Variants in KALRN observed in about 807,000 individuals in gnomAD.
The protein encoded by KALRN is kalirin RhoGEF kinase.
KALRN carries 70 observed loss-of-function variants against 353.7 expected under a neutral mutation model. The ratio of observed to expected loss-of-function variants is 0.20; its 90% confidence interval spans 0.16 to 0.24. The LOEUF (loss-of-function observed/expected upper bound fraction) is 0.24, where lower values mean the gene tolerates loss of function less well. KALRN is among the 10% of genes least tolerant of loss of function. KALRN has a pLI of 1.00. For synonymous variants in KALRN, 1,391 were observed against 1,434.8 expected, an observed-to-expected ratio of 0.97 and a Z score of 0.69; for missense variants, 2,791 against 3,756.7, an observed-to-expected ratio of 0.74 and a Z score of 6.72.
intron 30 of KALRN, among the ~76,000 whole-genome samples, 178 bp downstream of exon 30, chr3:124,491,062 T>A (rs1387838534): frequency 1.3e-5 from 2 of 152,174 alleles, no homozygotes; most frequent in Non-Finnish European, 2.9e-5. Context: ...GTCTGCATTG[T>A]AGAGTTCACA....
intron 1 of KALRN, among the ~76,000 whole-genome samples, chr3:124,155,095 T>C (rs1300215053): frequency 1.3e-5 from 2 of 152,158 alleles, no homozygotes; most frequent in Non-Finnish European, 2.9e-5. Flanking sequence ...TTACACCTTA[T>C]ACAAAAATTA....
chr3:124,157,837 C>G (rs1237301672), intron 1 of KALRN, among the ~76,000 whole-genome samples: 2 of 152,140 alleles, frequency 1.3e-5, no homozygotes, highest in Non-Finnish European at 2.9e-5. Context: ...TAACTGCATT[C>G]AGAAAATTCC....
At chr3:124,428,544 C>T (rs2093130678) in intron 15 of KALRN, among the ~76,000 whole-genome samples, 1 of 152,332 alleles carries the variant, frequency 6.6e-6, no homozygotes, top group Middle Eastern at 3.4e-3. Context: ...TATTTCTCTA[C>T]TATGCCAGTT....
intron 9 of KALRN, among the ~76,000 whole-genome samples, chr3:124,341,991 G>A (rs1376771153): frequency 6.6e-6 from 1 of 151,934 alleles, no homozygotes; most frequent in African/African-American, 2.4e-5. Context: ...TAGGGTGTTG[G>A]GGGGTGAGGC....
rs758993514 is a variant in KALRN, at chr3:124,441,920, G to C, written c.3199-25G>C. 3 of 1,436,170 alleles carry C rather than the reference G, an allele frequency of 2.1e-6. No homozygotes were observed. In the African/African-American group the frequency reaches 4.3e-5, roughly 20 times the overall value. The allele number at this position is 1,436,170 out of a possible 1,614,324, so 89.0% of individuals were successfully genotyped here. ...GATTCCATACACCTGCTGGGACAGG[G>C]GCCTCACAGCTTTGTCTTTCGCAGG... On this transcript the variant is annotated intron_variant, in intron 18 of 59. Transcript: ENST00000682506.
chr3:124,639,566 C>G (rs2081785879), intron 37 of KALRN, among the ~76,000 whole-genome samples: 1 of 152,180 alleles, frequency 6.6e-6, no homozygotes, highest in Non-Finnish European at 1.5e-5. Flanking sequence ...GCACTGCTGA[C>G]AGTCTCCAGA....
At chr3:124,299,220 G>A (rs755229840) in intron 6 of KALRN, among the ~76,000 whole-genome samples, 1 of 152,136 alleles carries the variant, frequency 6.6e-6, no homozygotes, top group Non-Finnish European at 1.5e-5. Context: ...CTTAGCCAAC[G>A]TTTTTTGGTC....
intron 57 of KALRN, among the ~76,000 whole-genome samples, chr3:124,709,642 G>A (rs1370739570): frequency 3.3e-5 from 5 of 152,178 alleles, no homozygotes; most frequent in African/African-American, 4.8e-5. Flanking sequence ...CTGAGCAACC[G>A]GAAAATAAAT....
intron 32 of KALRN, among the ~76,000 whole-genome samples, chr3:124,495,982 T>TATATACATAC (rs1561136459): frequency 2.2e-5 from 1 of 45,358 alleles, no homozygotes; most frequent in Non-Finnish European, 3.7e-5. Context: ...TATATATATA[T>TATATACATAC]ATATATATAT....
intron 1 of KALRN, among the ~76,000 whole-genome samples, chr3:124,224,197 T>A (rs77895803): frequency 0.077 from 11,450 of 149,504 alleles, 550 homozygotes; most frequent in African/African-American, 0.13. Context: ...GCTTAGGGGT[T>A]TTTTTTTTAA....
chr3:124,152,271 T>A, intron 1 of KALRN: 1 of 1,327,554 alleles, frequency 7.5e-7, no homozygotes, highest in Non-Finnish European at 1.1e-6. Context: ...GGTACCCCTA[T>A]GCAATATATG....
intron 34 of KALRN, among the ~76,000 whole-genome samples, chr3:124,573,284 A>T (rs979631538): frequency 6.6e-6 from 1 of 152,224 alleles, no homozygotes; most frequent in African/African-American, 2.4e-5. Context: ...ACTTTAAAAA[A>T]TCTGTGAAAT....
At chr3:124,642,257 C>T (rs1198947668) in intron 37 of KALRN, among the ~76,000 whole-genome samples, 1 of 151,594 alleles carries the variant, frequency 6.6e-6, no homozygotes, top group East Asian at 1.9e-4. Flanking sequence ...GCACTCCAGC[C>T]TGGGGTGACA....
chr3:124,199,967 G>A (rs1579293874), intron 1 of KALRN, among the ~76,000 whole-genome samples: 1 of 152,282 alleles, frequency 6.6e-6, no homozygotes, highest in East Asian at 1.9e-4. Flanking sequence ...TCCTGAAAAG[G>A]TTTTTCAACC....
chr3:124,203,395 G>A (rs1421421636), intron 1 of KALRN, among the ~76,000 whole-genome samples: 1 of 152,182 alleles, frequency 6.6e-6, no homozygotes, highest in Non-Finnish European at 1.5e-5. Flanking sequence ...GAACCAGGAG[G>A]CTGGGTTTCA....
At chr3:124,239,763 A>G (rs973590577) in intron 3 of KALRN, among the ~76,000 whole-genome samples, 1 of 152,178 alleles carries the variant, frequency 6.6e-6, no homozygotes, top group African/African-American at 2.4e-5. Flanking sequence ...TCCTGCCTCT[A>G]TTTTCTGCGT....
intron 51 of KALRN, among the ~76,000 whole-genome samples, chr3:124,681,349 G>A (rs2087747540): frequency 1.3e-5 from 2 of 152,210 alleles, no homozygotes; most frequent in Admixed American, 6.5e-5. Context: ...TTAGTCCTTT[G>A]CATGGGCTGA....
At chr3:124,641,212 C>G (rs560554269) in intron 37 of KALRN, among the ~76,000 whole-genome samples, 1 of 152,240 alleles carries the variant, frequency 6.6e-6, no homozygotes, top group South Asian at 2.1e-4. Flanking sequence ...ATAAAACTCC[C>G]GAAGAGTCAC....
intron 41 of KALRN, 105 bp downstream of exon 41, chr3:124,657,908 C>T: frequency 1.2e-6 from 1 of 827,846 alleles, no homozygotes. Flanking sequence ...AATTCCAACA[C>T]TTTAGGAGGC....
Sources: gnomAD v4.1 joint callset for allele counts (sites outside exome capture counted in the v4.1 genomes callset) on GRCh38, gnomAD v4.1.1 for gene constraint, MANE v1.5 for transcripts, NCBI Gene and HGNC (gene_info 2026-07-23, HGNC 2026-07-21) for gene names.